The following ATXN7L1 variants were observed in gnomAD, a reference collection of about 807,000 sequenced individuals.
ATXN7L1 encodes ataxin-7-like protein 1.
Under a neutral mutation model 70.8 loss-of-function variants are expected in ATXN7L1, and 15 were observed. The observed-to-expected ratio is 0.21, with a 90% CI of 0.14 to 0.33. The LOEUF is 0.33. Ranked by LOEUF, ATXN7L1 falls within the 10% of genes least tolerant of loss-of-function variation. ATXN7L1 has a pLI of 1.00. For missense variants in ATXN7L1, 975 were observed against 1,097.1 expected, an observed-to-expected ratio of 0.89 and a Z score of 1.57; for synonymous variants, 440 against 445.1, an observed-to-expected ratio of 0.99 and a Z score of 0.14.
chr7:105,654,627 T>C (rs993861105), intron 4 of ATXN7L1, among the ~76,000 whole-genome samples: 1 of 152,244 alleles, frequency 6.6e-6, no homozygotes, highest in Admixed American at 6.5e-5. Flanking sequence ...CACAAAATAG[T>C]CTTTAGGCTC....
intron 3 of ATXN7L1, among the ~76,000 whole-genome samples, chr7:105,787,466 A>G (rs925413465): frequency 2.0e-5 from 3 of 152,110 alleles, no homozygotes; most frequent in Non-Finnish European, 4.4e-5. Context: ...ACAAACACAA[A>G]ATATGCCTAC....
At chr7:105,730,062 G>A (rs1796360136) in intron 3 of ATXN7L1, among the ~76,000 whole-genome samples, 1 of 152,118 alleles carries the variant, frequency 6.6e-6, no homozygotes, top group South Asian at 2.1e-4. Flanking sequence ...AGTGTGGGTT[G>A]TGCACAGTGA....
At position 105,614,802 on chromosome 7, in the gene ATXN7L1, G is replaced by A. The variant is rs757853084; in HGVS notation, c.1532C>T (p.Ala511Val). 2.1e-5 allele frequency: 32 copies of A among 1,549,854 alleles called. No individual in the cohort carries two copies. Among genetic ancestry groups the A allele is most frequent in the South Asian group, 6.0e-5 (5 of 83,858 alleles). ...TGGCGAGGGCAGGGGGCTATCTGCC[G>A]CAGGAGGGATCTTCCTAAACATGAG... ...NSQMWKKIPP[A>V]ADSPLPSPAA... Residue 511 changes from alanine to valine, a missense_variant, in exon 10 of 12, where the codon GCG becomes GTG. Transcript: ENST00000419735. This position sits in a 1 kb window ranked among gnomAD's most constrained non-coding sequence, Gnocchi z 4.3.
In ATXN7L1 at chr7:105,690,821, C is replaced by A. The variant is rs568228968; in HGVS notation, c.356-25533G>T. 7.9e-4 allele frequency among the ~76,000 whole-genome samples: 121 copies of A among 152,242 alleles called. 1 individual carries two copies. Among genetic ancestry groups the A allele is most frequent in the South Asian group, 4.6e-3 (22 of 4,818 alleles). The stretch of plus-strand genomic sequence containing the variant: ...GCACGGCAATTTTTAGCCAACTGTT[C>A]TAGTAAATATTACGGGAAACCCTTT... On this transcript the variant is annotated intron_variant, in intron 3 of 11. Coordinates refer to ENST00000419735, the MANE Select transcript of ATXN7L1 (RefSeq NM_020725.2).
chr7:105,761,139 G>A, intron 3 of ATXN7L1: 1 of 1,213,332 alleles, frequency 8.2e-7, no homozygotes, highest in Non-Finnish European at 1.0e-6. Context: ...TGGCAGCTTA[G>A]ACCAGCTTTG....
chr7:105,606,829 C>T lies in ATXN7L1; in HGVS notation c.*1023G>A, dbSNP rs1656107672. On this transcript the variant is annotated 3_prime_UTR_variant, in exon 12 of 12. Coordinates refer to ENST00000419735, the MANE Select transcript of ATXN7L1 (RefSeq NM_020725.2). ...TCTGACAAAAGGTTTGACACATACC[C>T]TTTTGTGGAAGCTCTCCCTGGGGGG... 1 of 152,174 alleles carries T rather than the reference C, an allele frequency of 6.6e-6. No homozygotes were observed. The highest frequency in any genetic ancestry group is 1.5e-5 in the Non-Finnish European group (1 of 68,056). The allele number at this position is 152,174 out of a possible 1,614,324, so 9.4% of individuals were successfully genotyped here.
intron 3 of ATXN7L1, among the ~76,000 whole-genome samples, chr7:105,735,123 G>A (rs1281302627): frequency 6.6e-6 from 1 of 152,094 alleles, no homozygotes; most frequent in East Asian, 1.9e-4. Context: ...TAAATACCTC[G>A]AAGAAATCCT....
At chr7:105,742,206 C>T (rs1798088571) in intron 3 of ATXN7L1, among the ~76,000 whole-genome samples, 1 of 152,202 alleles carries the variant, frequency 6.6e-6, no homozygotes, top group Non-Finnish European at 1.5e-5. Flanking sequence ...TGACTCTTAA[C>T]CCGCAGTTGA....
intron 2 of ATXN7L1, among the ~76,000 whole-genome samples, chr7:105,825,243 C>T (rs1810708301): frequency 6.6e-6 from 1 of 152,068 alleles, no homozygotes; most frequent in South Asian, 2.1e-4. Flanking sequence ...GTAGGATGCC[C>T]CTGGAAGATT....
intron 10 of ATXN7L1, among the ~76,000 whole-genome samples, chr7:105,613,059 C>G (rs1584284993): frequency 6.6e-6 from 1 of 152,204 alleles, no homozygotes; most frequent in East Asian, 1.9e-4. Flanking sequence ...CATCTCTATG[C>G]CCAACTGGCC....
intron 3 of ATXN7L1, among the ~76,000 whole-genome samples, chr7:105,787,357 TC>T (rs964235142): frequency 1.3e-5 from 2 of 152,168 alleles, no homozygotes; most frequent in African/African-American, 4.8e-5. Flanking sequence ...CCAAACCTCC[TC>T]CTATAGCGCT....
At chr7:105,791,118 C>A (rs565461713) in intron 2 of ATXN7L1, among the ~76,000 whole-genome samples, 34 of 152,368 alleles carry the variant, frequency 2.2e-4, no homozygotes, top group African/African-American at 7.2e-4. Flanking sequence ...GTGAGGCCCC[C>A]ACTTGCCCTG....
At chr7:105,762,050 G>T (rs1479749917) in intron 3 of ATXN7L1, among the ~76,000 whole-genome samples, 1 of 152,214 alleles carries the variant, frequency 6.6e-6, no homozygotes, top group African/African-American at 2.4e-5. Context: ...TGGAGCCAGG[G>T]TGGCCAAAAC....
At chr7:105,649,824 G>T (rs1026753902) in intron 4 of ATXN7L1, among the ~76,000 whole-genome samples, 2 of 152,222 alleles carry the variant, frequency 1.3e-5, no homozygotes, top group Non-Finnish European at 2.9e-5. Context: ...TATTTGTGCT[G>T]TGGGTTTTGT....
At chr7:105,785,007 GATT>G (rs1804086292) in intron 3 of ATXN7L1, among the ~76,000 whole-genome samples, 1 of 152,188 alleles carries the variant, frequency 6.6e-6, no homozygotes, top group South Asian at 2.1e-4. Flanking sequence ...TTTTATATAA[GATT>G]CCATTTGAAA....
chr7:105,798,256 C>T (rs1444540267), intron 2 of ATXN7L1, among the ~76,000 whole-genome samples: 1 of 152,230 alleles, frequency 6.6e-6, no homozygotes, highest in African/African-American at 2.4e-5. Flanking sequence ...CACAGCTACT[C>T]TGCACTCAAC....
chr7:105,753,493 T>A (rs1398138103), intron 3 of ATXN7L1, among the ~76,000 whole-genome samples: 1 of 152,202 alleles, frequency 6.6e-6, no homozygotes, highest in Non-Finnish European at 1.5e-5. Context: ...TATTTAGATA[T>A]TTTGCTTTCT....
intron 2 of ATXN7L1, among the ~76,000 whole-genome samples, chr7:105,810,114 C>G (rs775956047): frequency 6.6e-6 from 1 of 152,190 alleles, no homozygotes; most frequent in Non-Finnish European, 1.5e-5. Context: ...TCTTTCTGTA[C>G]AGTTTAAAAT....
chr7:105,684,210 G>A (rs930029556), intron 3 of ATXN7L1, among the ~76,000 whole-genome samples: 2 of 152,218 alleles, frequency 1.3e-5, no homozygotes, highest in African/African-American at 4.8e-5. Flanking sequence ...TCCCATGTCT[G>A]CGTTGTGGGA....
Sources: allele counts gnomAD v4.1 joint callset (sites outside exome capture counted in the v4.1 genomes callset), GRCh38; gene constraint gnomAD v4.1.1; non-coding constraint Gnocchi (gnomAD v3.1); transcripts MANE v1.5; gene names NCBI Gene and HGNC (gene_info 2026-07-23, HGNC 2026-07-21).